CREB3L1: variants seen among roughly 807,000 people sequenced by gnomAD.
CREB3L1 encodes cyclic AMP-responsive element-binding protein 3-like protein 1.
A neutral mutation model predicts 54.5 loss-of-function variants in CREB3L1; 33 were observed. The ratio of observed to expected loss-of-function variants is 0.61; its 90% CI spans 0.46 to 0.81. CREB3L1 has a LOEUF of 0.81. CREB3L1 is among the 30% of genes least tolerant of loss of function. The probability of loss-of-function intolerance (pLI) is 0.00; values close to 1 mark genes in which losing one functional copy is unlikely to be tolerated. For synonymous variants in CREB3L1, 284 were observed against 286.4 expected (o/e 0.99, Z 0.08); for missense variants, 656 against 673.3 (o/e 0.97, Z 0.29).
intron 2 of CREB3L1, among the ~76,000 whole-genome samples, chr11:46,307,195 A>G (rs1939410036): frequency 6.6e-6 from 1 of 151,386 alleles, no homozygotes; most frequent in Non-Finnish European, 1.5e-5. Context: ...TGATTCTCCC[A>G]CCTCAGCCTC....
Position 46,312,924 on chromosome 11 carries a change from G to A in CREB3L1, c.1031+5G>A, listed in dbSNP as rs529937542. On this transcript the variant is annotated splice_donor_5th_base_variant and intron_variant, in intron 8 of 11. Coordinates refer to ENST00000621158, the MANE Select transcript of CREB3L1 (RefSeq NM_052854.4). ...GACCCTGGAGAATGCCAACAGGTGG[G>A]TAGTGCCTCCTGCATCCAACCTGGC... The A allele has an allele frequency of 1.9e-6, 3 of 1,576,286 alleles. No individual in the cohort carries two copies. The highest frequency in any genetic ancestry group is 4.7e-5 in the East Asian group (2 of 42,834).
chr11:46,302,114 G>C (rs563898573), intron 2 of CREB3L1, among the ~76,000 whole-genome samples: 26 of 151,050 alleles, frequency 1.7e-4, no homozygotes, highest in Non-Finnish European at 2.9e-4. Context: ...CTTGCAGTGA[G>C]CTGAGATTGC....
At chr11:46,316,157 T>G in intron 8 of CREB3L1, 129 bp from the exon 9 acceptor site, 1 of 633,748 alleles carries the variant, frequency 1.6e-6, no homozygotes, top group Non-Finnish European at 2.8e-6. Flanking sequence ...GAGGTGACCT[T>G]TCCTATCTTG....
intron 2 of CREB3L1, among the ~76,000 whole-genome samples, chr11:46,305,553 G>A (rs1446701689): frequency 1.3e-5 from 2 of 150,634 alleles, no homozygotes; most frequent in African/African-American, 4.9e-5. Context: ...GTCCCCACAC[G>A]AGGGCAGAGT....
chr11:46,316,977 GCT>G (rs1939576077), intron 9 of CREB3L1, among the ~76,000 whole-genome samples: 1 of 152,152 alleles, frequency 6.6e-6, no homozygotes, highest in Admixed American at 6.5e-5. Flanking sequence ...CGCTAGCCAG[GCT>G]CCTCAGAATC....
rs532630879 is a variant in CREB3L1, at chr11:46,295,731, G to A, written c.103-4204G>A. 6.6e-6 allele frequency among the ~76,000 whole-genome samples: 1 copy of A among 152,366 alleles called. No individual in the cohort carries two copies. The highest frequency in any genetic ancestry group is 6.5e-5 in the Admixed American group (1 of 15,308). On this transcript the variant is annotated intron_variant, in intron 1 of 11. Coordinates refer to ENST00000621158, the MANE Select transcript of CREB3L1 (RefSeq NM_052854.4). The surrounding 1 kb of genome is among the most constrained non-coding windows in gnomAD (Gnocchi z 4.6). Reference sequence around the variant, plus strand: ...CCGGATTCCGGTGAGGGGCGGCCCCGGGTGTTCCCGGGTTAACCCTTTGTG... The same window carrying A: ...CCGGATTCCGGTGAGGGGCGGCCCCAGGTGTTCCCGGGTTAACCCTTTGTG...
chr11:46,278,068 A>T lies in CREB3L1; in HGVS notation c.-44A>T, dbSNP rs1414264282. 1 of 1,213,104 alleles carries T rather than the reference A, an allele frequency of 8.2e-7. No individual in the cohort carries two copies. Among genetic ancestry groups the T allele is most frequent in the African/African-American group, 1.6e-5 (1 of 64,454 alleles). The allele number at this position is 1,213,104 out of a possible 1,614,324, so 75.1% of individuals were successfully genotyped here. A position where few individuals can be genotyped will look rare whatever the true frequency, so the allele number is the denominator to read the frequency against. ...TGGACTGGGCGCGCCGCCGCCCTGG[A>T]GTGAGGGAAGCCCAGTGGAAGGGGG... On this transcript the variant is annotated 5_prime_UTR_variant, in exon 1 of 12. Transcript: ENST00000621158. The surrounding 1 kb of genome is among the most constrained non-coding windows in gnomAD (Gnocchi z 4.2).
chr11:46,278,331 G>A lies in CREB3L1; in HGVS notation c.102+118G>A. 1 of 604,394 alleles carries A rather than the reference G, an allele frequency of 1.7e-6. No individual in the cohort carries two copies. Among genetic ancestry groups the A allele is most frequent in the Non-Finnish European group, 2.8e-6 (1 of 351,838 alleles). The allele number at this position is 604,394 out of a possible 1,614,324, so 37.4% of individuals were successfully genotyped here. On this transcript the variant is annotated intron_variant, in intron 1 of 11. Transcript: ENST00000621158. The surrounding 1 kb of genome is among the most constrained non-coding windows in gnomAD (Gnocchi z 4.2). ...GGGCAGGAGCCGGGGAGAGGGTTCA[G>A]CGCAGGGTCTCCAGGAGCGACATGT... is the stretch of plus-strand genomic sequence containing the variant.
At chr11:46,316,130 G>A (rs1939562726) in intron 8 of CREB3L1, 156 bp from the exon 9 acceptor site, 2 of 591,856 alleles carry the variant, frequency 3.4e-6, no homozygotes, top group Non-Finnish European at 6.0e-6. Flanking sequence ...AGGCCACTCT[G>A]CAGAGGAGCC....
chr11:46,278,227 T>A lies in CREB3L1; in HGVS notation c.102+14T>A. 2.0e-6 allele frequency: 3 copies of A among 1,515,646 alleles called. No homozygotes were observed. The highest frequency in any genetic ancestry group is 2.7e-6 in the Non-Finnish European group (3 of 1,119,156). 93.9% of individuals were successfully genotyped at this position (1,515,646 alleles called of 1,614,324 possible). ...CTCAACAATGCGGTAAGATGAAGGG[T>A]CTCCGTTCCCGTTCCACCCCTCGGC... On this transcript the variant is annotated intron_variant, in intron 1 of 11. Coordinates refer to ENST00000621158, the MANE Select transcript of CREB3L1 (RefSeq NM_052854.4). This position sits in a 1 kb window ranked among gnomAD's most constrained non-coding sequence, Gnocchi z 4.2.
chr11:46,288,542 G>T (rs1939089304), intron 1 of CREB3L1, among the ~76,000 whole-genome samples: 1 of 152,196 alleles, frequency 6.6e-6, no homozygotes. Context: ...TGATCACGGG[G>T]ATTTTATTTT....
rs1939647491 is a variant in CREB3L1, at chr11:46,321,152, A to T, written c.*406A>T. On this transcript the variant is annotated 3_prime_UTR_variant, in exon 12 of 12. Coordinates refer to ENST00000621158, the MANE Select transcript of CREB3L1 (RefSeq NM_052854.4). ...AAATTGTTTGTAAATAATGAACCTT[A>T]TTTTTTATTATTGCCAATCCCCTAA... 2.5e-6 allele frequency: 1 copy of T among 396,344 alleles called. No individual in the cohort carries two copies. Among genetic ancestry groups the T allele is most frequent in the South Asian group, 3.1e-5 (1 of 32,480 alleles). The allele number at this position is 396,344 out of a possible 1,614,324, so 24.6% of individuals were successfully genotyped here.
chr11:46,318,361 C>T (rs530704712), intron 10 of CREB3L1, among the ~76,000 whole-genome samples: 2 of 152,238 alleles, frequency 1.3e-5, no homozygotes, highest in East Asian at 1.9e-4. Context: ...GGATAGTAAA[C>T]GTACAGTGGT....
chr11:46,321,205 TC>T lies in CREB3L1; in HGVS notation c.*462del. On this transcript the variant is annotated 3_prime_UTR_variant, in exon 12 of 12. Transcript: ENST00000621158. ...TATTGTATTTTACAAATCTCCCTCT[TC>T]CCTTCGCCCCTCCCTTGTTTTATAT... 1 of 315,752 alleles carries T rather than the reference TC, an allele frequency of 3.2e-6. No individual in the cohort carries two copies. Among genetic ancestry groups the T allele is most frequent in the Non-Finnish European group, 6.2e-6 (1 of 161,880 alleles). 19.6% of individuals were successfully genotyped at this position (315,752 alleles called of 1,614,324 possible).
At chr11:46,286,859 C>T (rs1268825929) in intron 1 of CREB3L1, among the ~76,000 whole-genome samples, 1 of 152,092 alleles carries the variant, frequency 6.6e-6, no homozygotes, top group Admixed American at 6.6e-5. Flanking sequence ...AAAACACACT[C>T]GGTTCTGAAT....
intron 2 of CREB3L1, among the ~76,000 whole-genome samples, chr11:46,305,440 CA>C: frequency 6.6e-6 from 1 of 152,030 alleles, no homozygotes; most frequent in Middle Eastern, 3.4e-3. Flanking sequence ...CTCTCCATCA[CA>C]ACTGCCACTG....
At chr11:46,316,416 C>A in intron 9 of CREB3L1, 31 bp downstream of exon 9, 1 of 1,390,054 alleles carries the variant, frequency 7.2e-7, no homozygotes, top group Non-Finnish European at 1.0e-6. Flanking sequence ...CACAGACCCA[C>A]AGGAGGAGAG....
At chr11:46,316,019 G>T (rs1048448066) in intron 8 of CREB3L1, 4 of 399,516 alleles carry the variant, frequency 1.0e-5, no homozygotes, top group Non-Finnish European at 1.8e-5. Context: ...CTGGGGGCAG[G>T]CCTTCCCTCC....
At chr11:46,297,832 G>A (rs867219129) in intron 1 of CREB3L1, among the ~76,000 whole-genome samples, 1 of 152,128 alleles carries the variant, frequency 6.6e-6, no homozygotes, top group African/African-American at 2.4e-5. Context: ...GCTCAGCTCG[G>A]GGACAGAGTT....
Sources: allele counts gnomAD v4.1 joint callset (sites outside exome capture counted in the v4.1 genomes callset), GRCh38; gene constraint gnomAD v4.1.1; non-coding constraint Gnocchi (gnomAD v3.1); transcripts MANE v1.5; gene names NCBI Gene and HGNC (gene_info 2026-07-23, HGNC 2026-07-21).